The following MEGF11 variants were observed in gnomAD, a reference collection of about 807,000 sequenced individuals.
The protein encoded by MEGF11 is multiple epidermal growth factor-like domains protein 11.
A neutral mutation model predicts 146.6 loss-of-function variants in MEGF11; 126 were observed. The ratio of observed to expected loss-of-function variants is 0.86; its 90% CI spans 0.74 to 1.00. The LOEUF (loss-of-function observed/expected upper bound fraction) is 1.00. Among genes scored for constraint, MEGF11 ranks in the 50% least tolerant of loss-of-function variants. MEGF11 has a pLI of 0.00. For missense variants in MEGF11, 1,509 were observed against 1,521.2 expected (o/e 0.99, Z 0.13); for synonymous variants, 532 against 583.4 (o/e 0.91, Z 1.27).
intron 1 of MEGF11, among the ~76,000 whole-genome samples, chr15:66,200,357 T>C (rs2091123483): frequency 6.6e-6 from 1 of 152,262 alleles, no homozygotes; most frequent in Non-Finnish European, 1.5e-5. Flanking sequence ...TGAGAGCTTG[T>C]ACTGTAAACC....
intron 1 of MEGF11, among the ~76,000 whole-genome samples, chr15:66,238,463 T>C (rs999246696): frequency 2.0e-5 from 3 of 152,144 alleles, no homozygotes; most frequent in African/African-American, 7.2e-5. Flanking sequence ...CACGCACTCT[T>C]GGGGAGATGA....
At chr15:66,030,152 C>A (rs1357726494) in intron 5 of MEGF11, among the ~76,000 whole-genome samples, 1 of 152,194 alleles carries the variant, frequency 6.6e-6, no homozygotes, top group African/African-American at 2.4e-5. Flanking sequence ...TCAGACATGA[C>A]TTCTCGTGCA....
chr15:66,089,194 G>A (rs757993242), intron 5 of MEGF11, among the ~76,000 whole-genome samples: 1 of 152,188 alleles, frequency 6.6e-6, no homozygotes, highest in Admixed American at 6.5e-5. Context: ...ATAAGAACAC[G>A]CTGGACTTGG....
chr15:65,950,942 G>A (rs925465993), intron 10 of MEGF11, among the ~76,000 whole-genome samples: 1 of 152,250 alleles, frequency 6.6e-6, no homozygotes, highest in Non-Finnish European at 1.5e-5. Context: ...TGTCCTTACT[G>A]TAAAGCTCAG....
intron 1 of MEGF11, among the ~76,000 whole-genome samples, chr15:66,208,473 AT>A (rs759324996): frequency 2.2e-4 from 34 of 152,384 alleles, no homozygotes; most frequent in Non-Finnish European, 2.9e-4. Context: ...TAAATGAAAA[AT>A]GTATCAATAA....
At chr15:66,154,299 C>CGCTT (rs143324053) in intron 1 of MEGF11, among the ~76,000 whole-genome samples, 2 of 18,822 alleles carry the variant, frequency 1.1e-4, no homozygotes, top group Non-Finnish European at 2.5e-4. Context: ...CCCAACCTCG[C>CGCTT]GCTCGCCCAC....
intron 1 of MEGF11, among the ~76,000 whole-genome samples, chr15:66,204,114 G>T (rs1017055572): frequency 6.6e-6 from 1 of 151,534 alleles, no homozygotes; most frequent in African/African-American, 2.4e-5. Context: ...CTACAAAAAA[G>T]ATAATAGTCA....
intron 23 of MEGF11, 109 bp downstream of exon 23, chr15:65,908,923 AGG>A: frequency 1.5e-6 from 1 of 651,620 alleles, no homozygotes; most frequent in East Asian, 2.7e-5. Context: ...AGGGCTTAAA[AGG>A]GAGAGTTCTG....
chr15:66,184,358 G>A (rs1228804469), intron 1 of MEGF11, among the ~76,000 whole-genome samples: 1 of 152,016 alleles, frequency 6.6e-6, no homozygotes, highest in East Asian at 1.9e-4. Flanking sequence ...GTGGTCTCCA[G>A]GGCTGGAACC....
intron 1 of MEGF11, among the ~76,000 whole-genome samples, chr15:66,217,258 G>A (rs2091608040): frequency 6.6e-6 from 1 of 152,220 alleles, no homozygotes; most frequent in Non-Finnish European, 1.5e-5. Flanking sequence ...CACAGATAAG[G>A]AGCCTGAGGC....
At chr15:65,940,275 C>A (rs2079940206) in intron 10 of MEGF11, among the ~76,000 whole-genome samples, 1 of 152,186 alleles carries the variant, frequency 6.6e-6, no homozygotes, top group Non-Finnish European at 1.5e-5. Context: ...TCCATGCCAG[C>A]AGCACACAAG....
At chr15:66,249,743 CA>C in intron 1 of MEGF11, among the ~76,000 whole-genome samples, 1 of 152,316 alleles carries the variant, frequency 6.6e-6, no homozygotes, top group African/African-American at 2.4e-5. Context: ...ACTAGAGAAT[CA>C]GCATCACCAA....
At chr15:66,202,418 G>T (rs186713320) in intron 1 of MEGF11, among the ~76,000 whole-genome samples, 2 of 152,164 alleles carry the variant, frequency 1.3e-5, no homozygotes, top group Admixed American at 1.3e-4. Context: ...GTTGGGCTCC[G>T]TTCTCCTTGG....
chr15:65,929,470 G>A (rs1039582364), intron 12 of MEGF11, among the ~76,000 whole-genome samples: 1 of 152,206 alleles, frequency 6.6e-6, no homozygotes, highest in Admixed American at 6.5e-5. Context: ...TTTACCAAGA[G>A]CAGCACGGGA....
chr15:66,057,335 G>A (rs1292297835), intron 5 of MEGF11, among the ~76,000 whole-genome samples: 1 of 152,196 alleles, frequency 6.6e-6, no homozygotes, highest in Non-Finnish European at 1.5e-5. Flanking sequence ...TGCTGGCTCA[G>A]AGACCCTAAG....
At chr15:65,979,342 A>G (rs1488584309) in intron 7 of MEGF11, among the ~76,000 whole-genome samples, 1 of 152,194 alleles carries the variant, frequency 6.6e-6, no homozygotes, top group Non-Finnish European at 1.5e-5. Flanking sequence ...GTGGTCCCCA[A>G]GGTCCTTTCC....
chr15:66,137,980 G>A (rs1043579175), intron 1 of MEGF11, among the ~76,000 whole-genome samples: 3 of 152,208 alleles, frequency 2.0e-5, no homozygotes, highest in Non-Finnish European at 4.4e-5. Context: ...GATGTTTTAA[G>A]CCTCGGAGTT....
intron 1 of MEGF11, among the ~76,000 whole-genome samples, chr15:66,244,931 AT>A: frequency 6.6e-6 from 1 of 152,304 alleles, no homozygotes; most frequent in East Asian, 1.9e-4. Context: ...GGGGTCTTAT[AT>A]CCAACTGGGA....
chr15:66,005,037 T>C (rs2082479326), intron 5 of MEGF11, among the ~76,000 whole-genome samples: 1 of 152,182 alleles, frequency 6.6e-6, no homozygotes, highest in South Asian at 2.1e-4. Flanking sequence ...CAGTGTGCTA[T>C]GATCATGCCT....
Sources: allele counts gnomAD v4.1 joint callset (sites outside exome capture counted in the v4.1 genomes callset), GRCh38; gene constraint gnomAD v4.1.1; transcripts MANE v1.5; gene names NCBI Gene and HGNC (gene_info 2026-07-23, HGNC 2026-07-21).